Variants in EDARADD observed in about 807,000 individuals in gnomAD.
The protein encoded by EDARADD is ectodysplasin-A receptor-associated adapter protein.
A neutral mutation model predicts 25.6 loss-of-function variants in EDARADD; 20 were observed. The ratio of observed to expected loss-of-function variants is 0.78; its 90% CI spans 0.55 to 1.14. EDARADD has a LOEUF of 1.14. EDARADD is among the 50% of genes most tolerant of loss of function. EDARADD has a pLI of 0.00. For synonymous variants in EDARADD, 86 were observed against 94.4 expected, an observed-to-expected ratio of 0.91 and a Z score of 0.52; for missense variants, 225 against 270.1, an observed-to-expected ratio of 0.83 and a Z score of 1.17.
Position 236,484,708 on chromosome 1 carries a change from GA to G in EDARADD, c.*2078del, listed in dbSNP as rs11358746. The G allele has an allele frequency of 0.43, 64,205 of 148,564 alleles. 12,247 individuals carry two copies. Among genetic ancestry groups the G allele is most frequent in the Non-Finnish European group, 0.51 (38,711 of 75,814 alleles). 9.2% of individuals were successfully genotyped at this position (148,564 alleles called of 1,614,324 possible). The stretch of plus-strand genomic sequence containing the variant: ...GGAGACAGAGTGAGAGTCCGTCCCA[GA>G]AAAAAAAAAAAAAAAAAAGAACTTC... On this transcript the variant is annotated 3_prime_UTR_variant, in exon 6 of 6. Transcript: ENST00000334232. The surrounding 1 kb of genome is among the most constrained non-coding windows in gnomAD (Gnocchi z 4.1).
At chr1:236,350,005 A>G (rs916594603) in intron 2 of EDARADD, among the ~76,000 whole-genome samples, 2 of 152,152 alleles carry the variant, frequency 1.3e-5, no homozygotes, top group Non-Finnish European at 2.9e-5. Context: ...CCAGCTACTC[A>G]GGAGGCTGAG....
intron 3 of EDARADD, among the ~76,000 whole-genome samples, chr1:236,363,305 T>C (rs1236592963): frequency 6.6e-6 from 1 of 151,888 alleles, no homozygotes; most frequent in African/African-American, 2.4e-5. Context: ...GTAATCCCAA[T>C]GTAGGGGGTG....
At chr1:236,477,054 C>CAAAA (rs61477663) in intron 5 of EDARADD, among the ~76,000 whole-genome samples, 1 of 113,848 alleles carries the variant, frequency 8.8e-6, no homozygotes, top group African/African-American at 2.9e-5. Context: ...TGCCCATAAG[C>CAAAA]AAAAAAAAAA....
chr1:236,418,577 G>A (rs1382133525), intron 3 of EDARADD, among the ~76,000 whole-genome samples: 1 of 152,214 alleles, frequency 6.6e-6, no homozygotes, highest in East Asian at 1.9e-4. Flanking sequence ...CCCTTAAGAA[G>A]TCTGAGGAAC....
At chr1:236,472,276 C>T (rs756602316) in intron 5 of EDARADD, among the ~76,000 whole-genome samples, 11 of 152,134 alleles carry the variant, frequency 7.2e-5, no homozygotes, top group Non-Finnish European at 1.5e-4. Flanking sequence ...TTTTGGCAGG[C>T]GCTCCTGACT....
At chr1:236,406,312 T>C (rs1667738438) in intron 1 of EDARADD, among the ~76,000 whole-genome samples, 1 of 152,144 alleles carries the variant, frequency 6.6e-6, no homozygotes, top group Admixed American at 6.5e-5. Flanking sequence ...GAAAACCGAA[T>C]GCACGTGTGT....
intron 1 of EDARADD, among the ~76,000 whole-genome samples, chr1:236,401,199 A>G (rs1173368656): frequency 6.6e-6 from 1 of 151,876 alleles, no homozygotes; most frequent in African/African-American, 2.4e-5. Context: ...AAAAAAAAAA[A>G]GCTATGGTAC....
intron 5 of EDARADD, among the ~76,000 whole-genome samples, chr1:236,474,996 G>A (rs979539866): frequency 2.6e-5 from 4 of 152,132 alleles, no homozygotes; most frequent in African/African-American, 9.7e-5. Context: ...AGCCAGGTGT[G>A]GTGGCAGACA....
At chr1:236,452,319 T>C (rs1325262656) in intron 4 of EDARADD, among the ~76,000 whole-genome samples, 1 of 152,232 alleles carries the variant, frequency 6.6e-6, no homozygotes, top group Non-Finnish European at 1.5e-5. Context: ...CTTTCTCTTA[T>C]TGATATGGTG....
intron 3 of EDARADD, among the ~76,000 whole-genome samples, chr1:236,368,631 G>T (rs897925024): frequency 6.6e-6 from 1 of 151,872 alleles, no homozygotes; most frequent in South Asian, 2.1e-4. Flanking sequence ...GTAGGGAAAG[G>T]GTTTCTCCAT....
chr1:236,429,193 A>AGGGAGCGGGAGCGGGAGC (rs1553267463), intron 4 of EDARADD, among the ~76,000 whole-genome samples: 1 of 143,600 alleles, frequency 7.0e-6, no homozygotes, highest in Non-Finnish European at 1.5e-5. Context: ...GCAGAGGGAG[A>AGGGAGCGGGAGCGGGAGC]GGGAGCGGGA....
chr1:236,457,254 G>A (rs974321995), intron 4 of EDARADD, among the ~76,000 whole-genome samples: 3 of 152,114 alleles, frequency 2.0e-5, no homozygotes, highest in Non-Finnish European at 2.9e-5. Context: ...GGGGGCTCAC[G>A]CCTGTAATCC....
intron 5 of EDARADD, among the ~76,000 whole-genome samples, chr1:236,470,958 G>C (rs1172762813): frequency 6.6e-6 from 1 of 152,142 alleles, no homozygotes; most frequent in Non-Finnish European, 1.5e-5. Context: ...GGCCAGGCTG[G>C]TCTCAAACTC....
At chr1:236,392,646 TTTTGTA>T (rs1667440323), upstream of EDARADD, among the ~76,000 whole-genome samples, 4 of 150,260 alleles carry the variant, frequency 2.7e-5, no homozygotes, top group East Asian at 2.0e-4. Context: ...CCTGGCTAAT[TTTTGTA>T]TTTGTATTTG....
rs953150145 is a variant in EDARADD, at chr1:236,446,379, G to A, written c.219+18929G>A. 3.3e-5 allele frequency among the ~76,000 whole-genome samples: 5 copies of A among 152,154 alleles called. No individual in the cohort carries two copies. In the East Asian group the frequency reaches 5.8e-4, roughly 18 times the overall value. On this transcript the variant is annotated intron_variant, in intron 4 of 5. Transcript: ENST00000334232. ...AGCCTGACCAACATGGTGAAACCCCGTCTCTACTAAAAATAAAAAAAATTT... is the reference window on the plus strand; with the variant it reads ...AGCCTGACCAACATGGTGAAACCCCATCTCTACTAAAAATAAAAAAAATTT...
chr1:236,421,563 TCTCGG>T (rs1039801739), intron 3 of EDARADD, among the ~76,000 whole-genome samples: 1 of 140,376 alleles, frequency 7.1e-6, no homozygotes, highest in African/African-American at 2.6e-5. Context: ...AGTGGCTCAA[TCTCGG>T]CTCACTGCAA....
intron 3 of EDARADD, among the ~76,000 whole-genome samples, chr1:236,375,512 C>T (rs938890766): frequency 6.6e-6 from 1 of 151,778 alleles, no homozygotes; most frequent in Non-Finnish European, 1.5e-5. Flanking sequence ...AAATATTAGC[C>T]AGGTGTGGTG....
rs1158321993 is a variant in EDARADD at position 236,363,000 on chromosome 1, A to ATACATATAT, written c.-6+12161_-6+12162insTACATATAT. ...TTCTTTTTTTAAGAAAAAAAAAAAA[A>ATACATATAT]AAAAAAATATATATATATATATATA... On this transcript the variant is annotated intron_variant, in intron 3 of 7. Coordinates refer to the EDARADD transcript ENST00000439430. 3.5e-5 allele frequency among the ~76,000 whole-genome samples: 2 copies of ATACATATAT among 57,284 alleles called. 1 individual carries two copies. Among genetic ancestry groups the ATACATATAT allele is most frequent in the African/African-American group, 1.5e-4 (2 of 13,312 alleles). The allele number at this position is 57,284 out of a possible 152,430, so 37.6% of individuals were successfully genotyped here. A position where few individuals can be genotyped will look rare whatever the true frequency, so the allele number is the denominator to read the frequency against.
At chr1:236,381,989 A>C (rs1667309002) in intron 3 of EDARADD, among the ~76,000 whole-genome samples, 1 of 150,928 alleles carries the variant, frequency 6.6e-6, no homozygotes, top group Non-Finnish European at 1.5e-5. Context: ...GAGCAATATG[A>C]TTATGTTGGG....
Sources: allele counts gnomAD v4.1 joint callset (sites outside exome capture counted in the v4.1 genomes callset), GRCh38; gene constraint gnomAD v4.1.1; non-coding constraint Gnocchi (gnomAD v3.1); transcripts MANE v1.5; gene names NCBI Gene and HGNC (gene_info 2026-07-23, HGNC 2026-07-21).